The following GABRB2 variants were observed in gnomAD, a reference collection of about 807,000 sequenced individuals.
GABRB2 encodes the protein gamma-aminobutyric acid receptor subunit beta-2.
A neutral mutation model predicts 54.7 loss-of-function variants in GABRB2; 16 were observed. That is an observed-to-expected ratio of 0.29 (90% CI 0.20 to 0.44). The LOEUF is 0.44. Among genes scored for constraint, GABRB2 ranks in the 20% least tolerant of loss-of-function variants. The pLI is 1.00. For missense variants in GABRB2, 355 were observed against 644.0 expected (o/e 0.55, Z 4.86); for synonymous variants, 244 against 233.8 (o/e 1.04, Z -0.40).
At chr5:161,362,723 A>G (rs1345580952) in intron 5 of GABRB2, among the ~76,000 whole-genome samples, 2 of 152,220 alleles carry the variant, frequency 1.3e-5, no homozygotes, top group African/African-American at 2.4e-5. Context: ...GAAGGATATG[A>G]ACAGACACTT....
chr5:161,319,341 A>C (rs1397892338), intron 9 of GABRB2, among the ~76,000 whole-genome samples: 1 of 149,190 alleles, frequency 6.7e-6, no homozygotes, highest in African/African-American at 2.4e-5. Flanking sequence ...ATGAATATTA[A>C]ATTTTTGTTA....
intron 7 of GABRB2, among the ~76,000 whole-genome samples, chr5:161,333,319 T>G (rs938126882): frequency 1.3e-5 from 2 of 152,194 alleles, no homozygotes; most frequent in Non-Finnish European, 2.9e-5. Flanking sequence ...CCATGGATCT[T>G]TCATTGCTGA....
Position 161,291,439 on chromosome 5 carries a change from T to C in GABRB2, c.*2642A>G, listed in dbSNP as rs1757235492. ...GACTGCATTTCATTTCAACGAAACA[T>C]ATATTTAAGAACAAATTCTACATCT... On this transcript the variant is annotated 3_prime_UTR_variant, in exon 10 of 10. Coordinates refer to ENST00000393959, the MANE Select transcript of GABRB2 (RefSeq NM_001371727.1). 6.6e-6 allele frequency: 1 copy of C among 152,142 alleles called. No individual in the cohort carries two copies. The highest frequency in any genetic ancestry group is 2.1e-4 in the South Asian group (1 of 4,820). The allele number at this position is 152,142 out of a possible 1,614,324, so 9.4% of individuals were successfully genotyped here.
chr5:161,405,152 A>G (rs1432678588), intron 5 of GABRB2, among the ~76,000 whole-genome samples: 1 of 152,022 alleles, frequency 6.6e-6, no homozygotes, highest in African/African-American at 2.4e-5. Context: ...TATCCTGTTC[A>G]ACCACTGCCA....
chr5:161,450,198 A>G (rs1757751987), intron 4 of GABRB2, among the ~76,000 whole-genome samples: 1 of 152,070 alleles, frequency 6.6e-6, no homozygotes, highest in African/African-American at 2.4e-5. Flanking sequence ...TCCCCTTCAC[A>G]ACTTTGGTTT....
intron 3 of GABRB2, among the ~76,000 whole-genome samples, chr5:161,482,624 A>G (rs1758795530): frequency 6.6e-6 from 1 of 152,206 alleles, no homozygotes; most frequent in South Asian, 2.1e-4. Flanking sequence ...CATGGGCATA[A>G]CTATGGAATT....
At chr5:161,329,528 T>C (rs1398514298) in intron 8 of GABRB2, 2 of 152,168 alleles carry the variant, frequency 1.3e-5, no homozygotes, top group Non-Finnish European at 2.9e-5. Flanking sequence ...AAACCAAATA[T>C]TAGACCTATG....
intron 7 of GABRB2, among the ~76,000 whole-genome samples, chr5:161,332,644 A>C (rs1440962578): frequency 6.6e-6 from 1 of 152,214 alleles, no homozygotes; most frequent in African/African-American, 2.4e-5. Context: ...CACAGATGGA[A>C]AGTTATAGAG....
In GABRB2 at chr5:161,498,687, T is replaced by G. The variant is rs1012900553; in HGVS notation, c.238-38843A>C. ...CAGGGTCCAAACTCCCTCATGGCCT[T>G]TGGAACACAAGGCTCTGTGCCAAAG... On this transcript the variant is annotated intron_variant, in intron 3 of 9. Coordinates refer to ENST00000393959, the MANE Select transcript of GABRB2 (RefSeq NM_001371727.1). 2.0e-5 allele frequency among the ~76,000 whole-genome samples: 3 copies of G among 152,106 alleles called. No individual in the cohort carries two copies. The South Asian group carries it at 6.2e-4, about 31-fold the overall frequency.
Position 161,469,520 on chromosome 5 carries a change from A to C in GABRB2, c.238-9676T>G, listed in dbSNP as rs77755419. On this transcript the variant is annotated intron_variant, in intron 3 of 9. Transcript: ENST00000393959. ...TTCCTCTTAAAAACCAAAAAAAACC[A>C]AAAAACAAAAAACAAAAAGAAAACA... Among the ~76,000 whole-genome samples the C allele has an allele frequency of 2.0e-5, 3 of 148,078 alleles. No homozygotes were observed. In the South Asian group the frequency reaches 6.5e-4, roughly 32 times the overall value.
intron 4 of GABRB2, among the ~76,000 whole-genome samples, chr5:161,442,067 A>C (rs1757483013): frequency 6.6e-6 from 1 of 152,282 alleles, no homozygotes; most frequent in East Asian, 1.9e-4. Flanking sequence ...ATGGTGACTT[A>C]ATTGTACATT....
At chr5:161,485,439 C>A (rs147556048) in intron 3 of GABRB2, among the ~76,000 whole-genome samples, 1 of 152,004 alleles carries the variant, frequency 6.6e-6, no homozygotes, top group Non-Finnish European at 1.5e-5. Flanking sequence ...GAGGTCACTA[C>A]CTTTGCTTTC....
chr5:161,416,969 T>G (rs757972865), intron 4 of GABRB2, among the ~76,000 whole-genome samples: 1 of 152,010 alleles, frequency 6.6e-6, no homozygotes, highest in African/African-American at 2.4e-5. Flanking sequence ...TATAAAAACT[T>G]CAGCTAGTGG....
At chr5:161,333,284 A>G (rs1753905751) in intron 7 of GABRB2, among the ~76,000 whole-genome samples, 2 of 152,252 alleles carry the variant, frequency 1.3e-5, no homozygotes, top group African/African-American at 4.8e-5. Flanking sequence ...CACTGCAGAT[A>G]TAAAACTAGA....
intron 5 of GABRB2, among the ~76,000 whole-genome samples, chr5:161,366,754 T>A (rs1235714469): frequency 3.9e-5 from 6 of 152,178 alleles, no homozygotes; most frequent in Non-Finnish European, 7.3e-5. Flanking sequence ...GAGACCAGCC[T>A]GGCCAACATG....
At chr5:161,343,065 T>A (rs1325801617) in intron 5 of GABRB2, among the ~76,000 whole-genome samples, 2 of 152,196 alleles carry the variant, frequency 1.3e-5, no homozygotes, top group African/African-American at 4.8e-5. Context: ...GTCACTGGGA[T>A]CTTTCGAGAG....
intron 4 of GABRB2, among the ~76,000 whole-genome samples, chr5:161,455,529 A>ATT (rs34494220): frequency 1.2e-3 from 168 of 137,892 alleles, no homozygotes; most frequent in African/African-American, 1.6e-3. Context: ...TTGTTCCCCA[A>ATT]TTTTTTTTTT....
intron 5 of GABRB2, among the ~76,000 whole-genome samples, chr5:161,359,495 C>T (rs1754739133): frequency 6.6e-6 from 1 of 150,902 alleles, no homozygotes; most frequent in East Asian, 1.9e-4. Flanking sequence ...CATAAGAAGG[C>T]ATAAGATTTC....
intron 5 of GABRB2, among the ~76,000 whole-genome samples, chr5:161,406,817 CCTGA>C (rs1266480738): frequency 2.6e-5 from 4 of 151,946 alleles, no homozygotes; most frequent in African/African-American, 7.2e-5. Context: ...AAAGGAGATG[CCTGA>C]CTGTCTGTCT....
Sources: gnomAD v4.1 joint callset for allele counts (sites outside exome capture counted in the v4.1 genomes callset) on GRCh38, gnomAD v4.1.1 for gene constraint, MANE v1.5 for transcripts, NCBI Gene and HGNC (gene_info 2026-07-23, HGNC 2026-07-21) for gene names.